Variants in CNTN3 observed in about 807,000 individuals in gnomAD.
The protein encoded by CNTN3 is contactin-3.
A neutral mutation model predicts 119.1 loss-of-function variants in CNTN3; 60 were observed. That is an observed-to-expected ratio of 0.50 (90% CI 0.41 to 0.62). CNTN3 has a LOEUF of 0.62. Among genes scored for constraint, CNTN3 ranks in the 20% least tolerant of loss-of-function variants. CNTN3 has a pLI of 0.00. For synonymous variants in CNTN3, 450 were observed against 438.7 expected (o/e 1.03, Z -0.32); for missense variants, 1,101 against 1,242.4 (o/e 0.89, Z 1.71).
chr3:74,418,282 C>T (rs1488096121), intron 5 of CNTN3, among the ~76,000 whole-genome samples: 1 of 150,762 alleles, frequency 6.6e-6, no homozygotes, highest in Non-Finnish European at 1.5e-5. Flanking sequence ...CCCATCTTGG[C>T]TTCCCAAAGT....
chr3:74,428,244 T>C (rs1701728164), intron 4 of CNTN3, among the ~76,000 whole-genome samples: 1 of 152,118 alleles, frequency 6.6e-6, no homozygotes, highest in Non-Finnish European at 1.5e-5. Flanking sequence ...ATTGTTATTT[T>C]AGAATATATT....
intron 13 of CNTN3, among the ~76,000 whole-genome samples, chr3:74,303,761 G>A (rs1310110754): frequency 1.3e-5 from 2 of 152,120 alleles, no homozygotes; most frequent in Non-Finnish European, 2.9e-5. Context: ...ATTCCCAAGA[G>A]CTAATTAACA....
In CNTN3 at chr3:74,360,994, C is replaced by CTT. The variant is rs149998775; in HGVS notation, c.1364+894_1364+895dup. On this transcript the variant is annotated intron_variant, in intron 11 of 22. Coordinates refer to ENST00000263665, the MANE Select transcript of CNTN3 (RefSeq NM_020872.3). ...TAATTCTACCTTCAAATTTAATTACCTTTTGCCATGTAATATAACACAGTA... is the reference window on the plus strand; with the variant it reads ...TAATTCTACCTTCAAATTTAATTACCTTTTTTGCCATGTAATATAACACAGTA... 8.4e-3 allele frequency among the ~76,000 whole-genome samples: 1,272 copies of CTT among 152,104 alleles called. 15 individuals are homozygous for CTT. The highest frequency in any genetic ancestry group is 0.028 in the African/African-American group (1,171 of 41,486).
chr3:74,608,434 A>T (rs1705028433), intron 1 of CNTN3, among the ~76,000 whole-genome samples: 1 of 152,194 alleles, frequency 6.6e-6, no homozygotes. Flanking sequence ...GTTTCACTCC[A>T]ATAAAATAAT....
intron 2 of CNTN3, among the ~76,000 whole-genome samples, chr3:74,505,236 G>A (rs1417358619): frequency 6.6e-6 from 1 of 151,940 alleles, no homozygotes; most frequent in African/African-American, 2.4e-5. Flanking sequence ...TGTGAATTGG[G>A]GATGAGGGTG....
intron 5 of CNTN3, among the ~76,000 whole-genome samples, chr3:74,423,835 G>GA (rs1359570368): frequency 1.1e-4 from 17 of 152,134 alleles, no homozygotes; most frequent in Non-Finnish European, 2.4e-4. Flanking sequence ...GATGGTTCAC[G>GA]AATTTCAAGT....
At chr3:74,479,431 G>A (rs1575766529) in intron 4 of CNTN3, among the ~76,000 whole-genome samples, 1 of 152,224 alleles carries the variant, frequency 6.6e-6, no homozygotes, top group East Asian at 1.9e-4. Context: ...AATGTCATCA[G>A]ACTTCACAAC....
At chr3:74,318,287 C>T (rs890090689) in intron 13 of CNTN3, among the ~76,000 whole-genome samples, 1 of 151,974 alleles carries the variant, frequency 6.6e-6, no homozygotes, top group Non-Finnish European at 1.5e-5. Flanking sequence ...TTTGAATTTC[C>T]TCCTGTAGCT....
intron 1 of CNTN3, among the ~76,000 whole-genome samples, chr3:74,551,754 CTTTTTTTTTTTT>C (rs776621925): frequency 3.3e-5 from 2 of 60,178 alleles, no homozygotes; most frequent in African/African-American, 8.6e-5. Context: ...TCTTCTTCTT[CTTTTTTTTTTTT>C]TTTTTTTTTT....
chr3:74,337,498 C>T (rs796629807), intron 11 of CNTN3, among the ~76,000 whole-genome samples: 9 of 152,176 alleles, frequency 5.9e-5, no homozygotes, highest in South Asian at 4.1e-4. Flanking sequence ...TGCAGTTCCA[C>T]GTGGCTGGGG....
At chr3:74,497,623 A>G (rs1703088177) in intron 3 of CNTN3, among the ~76,000 whole-genome samples, 1 of 151,630 alleles carries the variant, frequency 6.6e-6, no homozygotes, top group Admixed American at 6.6e-5. Flanking sequence ...TTATAAGGAA[A>G]GTATCTGCTC....
At chr3:74,559,909 G>C (rs1704128576) in intron 1 of CNTN3, among the ~76,000 whole-genome samples, 1 of 151,990 alleles carries the variant, frequency 6.6e-6, no homozygotes, top group African/African-American at 2.4e-5. Flanking sequence ...TGAGACACTG[G>C]GGCACACTAA....
At chr3:74,574,084 T>C (rs1704375719) in intron 1 of CNTN3, among the ~76,000 whole-genome samples, 2 of 152,180 alleles carry the variant, frequency 1.3e-5, no homozygotes, top group African/African-American at 4.8e-5. Flanking sequence ...CAAGATATGT[T>C]ATATGAATAA....
At chr3:74,546,586 T>G (rs916809297) in intron 1 of CNTN3, among the ~76,000 whole-genome samples, 5 of 152,158 alleles carry the variant, frequency 3.3e-5, no homozygotes, top group Admixed American at 6.5e-5. Flanking sequence ...TCCTTCCTGC[T>G]CTCAAACATC....
chr3:74,577,177 C>A (rs557585897), intron 1 of CNTN3, among the ~76,000 whole-genome samples: 1 of 152,254 alleles, frequency 6.6e-6, no homozygotes, highest in African/African-American at 2.4e-5. Context: ...ATTCAGGGAG[C>A]CATGCCAAAG....
chr3:74,326,072 T>G (rs1036875490), intron 13 of CNTN3, among the ~76,000 whole-genome samples: 1 of 152,188 alleles, frequency 6.6e-6, no homozygotes, highest in African/African-American at 2.4e-5. Flanking sequence ...AATCTTGTAA[T>G]GTGTGCCTGC....
At chr3:74,469,321 T>G (rs1327451378) in intron 4 of CNTN3, among the ~76,000 whole-genome samples, 2 of 152,094 alleles carry the variant, frequency 1.3e-5, no homozygotes, top group Admixed American at 1.3e-4. Context: ...GCTAGAAGAC[T>G]CTCAAATTGA....
intron 5 of CNTN3, among the ~76,000 whole-genome samples, chr3:74,395,649 T>TGTGAAATGTGAAATAAAA: frequency 6.6e-6 from 1 of 152,334 alleles, no homozygotes; most frequent in East Asian, 1.9e-4. Context: ...CACAGGGTTA[T>TGTGAAATGTGAAATAAAA]TGCCAGGAGT....
intron 4 of CNTN3, among the ~76,000 whole-genome samples, chr3:74,442,364 G>A (rs1018400459): frequency 6.6e-6 from 1 of 152,082 alleles, no homozygotes; most frequent in East Asian, 1.9e-4. Context: ...GGCTGCTGCC[G>A]ATAACACCCT....
Sources: allele counts gnomAD v4.1 joint callset (sites outside exome capture counted in the v4.1 genomes callset), GRCh38; gene constraint gnomAD v4.1.1; transcripts MANE v1.5; gene names NCBI Gene and HGNC (gene_info 2026-07-23, HGNC 2026-07-21).